NCALD: variants seen among roughly 807,000 people sequenced by gnomAD.
NCALD encodes neurocalcin-delta.
In NCALD, 10 loss-of-function variants were observed where a neutral mutation model predicts 18.6. The observed-to-expected ratio is 0.54, with a 90% CI of 0.33 to 0.91. The LOEUF (loss-of-function observed/expected upper bound fraction) is 0.91, where lower values mean the gene tolerates loss of function less well. Ranked by LOEUF, NCALD falls within the 40% of genes least tolerant of loss-of-function variation. The probability of loss-of-function intolerance (pLI) is 0.03; values close to 1 mark genes in which losing one functional copy is unlikely to be tolerated. For missense variants in NCALD, 184 were observed against 247.6 expected, an observed-to-expected ratio of 0.74 and a Z score of 1.72; for synonymous variants, 88 against 87.4, an observed-to-expected ratio of 1.01 and a Z score of -0.04.
chr8:101,808,168 C>T (rs945606430), intron 4 of NCALD, among the ~76,000 whole-genome samples: 2 of 152,094 alleles, frequency 1.3e-5, no homozygotes, highest in African/African-American at 4.8e-5. Flanking sequence ...TTAGTGGTCA[C>T]CCAGTCCTAA....
chr8:101,737,306 C>T (rs1809966274), intron 1 of NCALD, among the ~76,000 whole-genome samples: 1 of 152,194 alleles, frequency 6.6e-6, no homozygotes, highest in Non-Finnish European at 1.5e-5. Context: ...CTGCTCTCAA[C>T]TTCATTTCCT....
At chr8:101,845,631 T>G (rs370683992) in intron 4 of NCALD, among the ~76,000 whole-genome samples, 4 of 152,350 alleles carry the variant, frequency 2.6e-5, no homozygotes, top group South Asian at 4.1e-4. Context: ...AGCTGGGTAA[T>G]TGGGATGTCC....
chr8:101,985,704 C>T (rs1171674089), intron 2 of NCALD, among the ~76,000 whole-genome samples: 3 of 152,186 alleles, frequency 2.0e-5, no homozygotes, highest in African/African-American at 7.2e-5. Context: ...GCATTCCAAG[C>T]CCTGTCCCTT....
chr8:102,102,154 T>A (rs1825304064), intron 1 of NCALD, among the ~76,000 whole-genome samples: 1 of 152,238 alleles, frequency 6.6e-6, no homozygotes. Flanking sequence ...TAGGCAATAA[T>A]ATTCAATTCA....
At chr8:102,064,877 G>T (rs917453195) in intron 1 of NCALD, among the ~76,000 whole-genome samples, 1 of 152,048 alleles carries the variant, frequency 6.6e-6, no homozygotes, top group Admixed American at 6.6e-5. Flanking sequence ...TTCCCTAGGT[G>T]TCTCCCCATC....
intron 3 of NCALD, among the ~76,000 whole-genome samples, chr8:101,690,141 T>G (rs1482464318): frequency 6.6e-6 from 1 of 151,204 alleles, no homozygotes; most frequent in Non-Finnish European, 1.5e-5. Flanking sequence ...TCCTTTCTGC[T>G]TACTCTGGAG....
intron 1 of NCALD, among the ~76,000 whole-genome samples, chr8:102,047,777 T>A (rs1586976802): frequency 1.3e-5 from 2 of 152,278 alleles, no homozygotes; most frequent in East Asian, 3.9e-4. Flanking sequence ...ATTCTTCCCA[T>A]TTTTTCAGGA....
At chr8:101,937,509 A>C (rs1465377922) in intron 2 of NCALD, among the ~76,000 whole-genome samples, 1 of 152,162 alleles carries the variant, frequency 6.6e-6, no homozygotes. Flanking sequence ...TCCTGCAAAA[A>C]ACATGACCTT....
intron 4 of NCALD, among the ~76,000 whole-genome samples, chr8:101,821,589 C>G (rs542004560): frequency 6.6e-6 from 1 of 152,222 alleles, no homozygotes; most frequent in Non-Finnish European, 1.5e-5. Context: ...TCTCTAGATG[C>G]CAGCCCTCCA....
At chr8:101,750,130 A>G (rs2004556) in intron 1 of NCALD, 99,959 of 152,060 alleles carry the variant, frequency 0.66, 34,475 homozygotes, top group Non-Finnish European at 0.76. Flanking sequence ...AAAGCCCCTT[A>G]CAAAACCATC....
chr8:101,896,698 G>A (rs1326164395), intron 3 of NCALD, among the ~76,000 whole-genome samples: 1 of 149,124 alleles, frequency 6.7e-6, no homozygotes, highest in Non-Finnish European at 1.5e-5. Context: ...ATCAAAAAGT[G>A]GGTGAAGGAC....
chr8:101,983,715 TG>T (rs1043660116), intron 2 of NCALD, among the ~76,000 whole-genome samples: 1 of 152,222 alleles, frequency 6.6e-6, no homozygotes, highest in Non-Finnish European at 1.5e-5. Flanking sequence ...ATGGGCCTTC[TG>T]GCCTTTCTGG....
chr8:101,740,450 A>T (rs923629620), intron 1 of NCALD, among the ~76,000 whole-genome samples: 3 of 152,236 alleles, frequency 2.0e-5, no homozygotes, highest in African/African-American at 7.2e-5. Context: ...TGTATAGCCA[A>T]TAAGTACCCA....
chr8:101,991,188 T>C (rs1050791502), intron 2 of NCALD, among the ~76,000 whole-genome samples: 8 of 152,176 alleles, frequency 5.3e-5, no homozygotes, highest in African/African-American at 1.7e-4. Context: ...AAAAAATTCA[T>C]CTCCTCCAAT....
chr8:101,996,369 T>G (rs1468940515), intron 2 of NCALD, among the ~76,000 whole-genome samples: 1 of 152,208 alleles, frequency 6.6e-6, no homozygotes, highest in South Asian at 2.1e-4. Flanking sequence ...ACACATCAAG[T>G]ATAATTCCTG....
intron 4 of NCALD, among the ~76,000 whole-genome samples, chr8:101,861,954 CAG>C (rs1174780051): frequency 6.6e-5 from 10 of 152,164 alleles, no homozygotes; most frequent in African/African-American, 2.4e-4. Flanking sequence ...TCCTTGCCCT[CAG>C]GGAATTTGCA....
chr8:101,850,544 G>A (rs964425827), intron 4 of NCALD, among the ~76,000 whole-genome samples: 7 of 152,170 alleles, frequency 4.6e-5, no homozygotes, highest in African/African-American at 1.7e-4. Context: ...AGGCTGTTGC[G>A]GGCTCTTGGA....
At chr8:101,893,187 G>C (rs1428478522) in intron 3 of NCALD, among the ~76,000 whole-genome samples, 4 of 151,954 alleles carry the variant, frequency 2.6e-5, no homozygotes, top group Non-Finnish European at 4.4e-5. Context: ...CTACAAGCCA[G>C]AAGAGAGTGG....
intron 2 of NCALD, among the ~76,000 whole-genome samples, chr8:101,936,758 C>T (rs758503964): frequency 1.3e-5 from 2 of 152,004 alleles, no homozygotes; most frequent in Non-Finnish European, 2.9e-5. Context: ...GGTTGAGAAC[C>T]GCTGGTCTAG....
Sources: allele counts gnomAD v4.1 joint callset (sites outside exome capture counted in the v4.1 genomes callset), GRCh38; gene constraint gnomAD v4.1.1; transcripts MANE v1.5; gene names NCBI Gene and HGNC (gene_info 2026-07-23, HGNC 2026-07-21).